MUC4: variants seen among roughly 807,000 people sequenced by gnomAD.
MUC4 encodes the protein mucin-4.
A neutral mutation model predicts 257.9 loss-of-function variants in MUC4; 202 were observed. The observed-to-expected ratio is 0.78, with a 90% confidence interval of 0.70 to 0.88. The LOEUF (loss-of-function observed/expected upper bound fraction) is 0.88. MUC4 is among the 40% of genes least tolerant of loss of function. The pLI is 0.00. For synonymous variants in MUC4, 2,351 were observed against 2,757.1 expected, an observed-to-expected ratio of 0.85 and a Z score of 4.62; for missense variants, 5,976 against 6,513.7, an observed-to-expected ratio of 0.92 and a Z score of 2.84.
In MUC4 at chr3:195,784,678, T is replaced by G. The variant is rs1422679290; in HGVS notation, c.6902A>C (p.His2301Pro). ...GTCGGTGACATGAAGAGGGGTGGCG[T>G]GACCTGTGGATGCTGAGGAAGGGCT... ...VTSPSSASTG[H>P]ATPLHVTDAS... Residue 2301 changes from histidine (H) to proline (P), a missense_variant, in exon 2 of 25, where the codon CAC (histidine) becomes CCC (proline). This residue lies in a region of MUC4 where 62 missense variants were observed against 74.0 expected (regional missense o/e 0.84). Transcript: ENST00000463781. The G allele has an allele frequency of 2.1e-6, 3 of 1,437,300 alleles. No homozygotes were observed. Among genetic ancestry groups the G allele is most frequent in the Non-Finnish European group, 1.8e-6 (2 of 1,084,534 alleles). 89.0% of individuals were successfully genotyped at this position (1,437,300 alleles called of 1,614,324 possible).
intron 19 of MUC4, 152 bp from the exon 20 acceptor site, chr3:195,753,382 G>A (rs1299750010): frequency 6.9e-6 from 5 of 721,380 alleles, no homozygotes; most frequent in Non-Finnish European, 1.1e-5. Flanking sequence ...CCCTTTTCCA[G>A]GCGTTTCTCT....
rs1178135179 is a variant in MUC4, at chr3:195,787,962, A to T, written c.3618T>A (p.Thr1206=). Residue 1206 remains threonine, a synonymous_variant, in exon 2 of 25, where the codon ACT becomes ACA. Coordinates refer to ENST00000463781, the MANE Select transcript of MUC4 (RefSeq NM_018406.7). ...TGGCGTGTCCTGTGGATGCTGAGGAAGTGTCGGTGACAAGAAGAGGGGTGG... is the reference window on the plus strand; with the variant it reads ...TGGCGTGTCCTGTGGATGCTGAGGATGTGTCGGTGACAAGAAGAGGGGTGG... ...GHATPLLVTD[T]SSASTGHATP... The T allele has an allele frequency of 3.3e-6, 4 of 1,224,346 alleles. No individual in the cohort carries two copies. The East Asian group carries it at 8.3e-5, about 26-fold the overall frequency. 75.8% of individuals were successfully genotyped at this position (1,224,346 alleles called of 1,614,324 possible). A position where few individuals can be genotyped will look rare whatever the true frequency, so the allele number is the denominator to read the frequency against.
rs750153870 is a variant in MUC4, at chr3:195,785,135, C to G, written c.6445G>C (p.Glu2149Gln). Residue 2149 changes from glutamate (E) to glutamine (Q), a missense_variant, in exon 2 of 25, where the codon GAA (glutamate) becomes CAA (glutamine). Glu to Gln is a conservative substitution (Grantham distance 29). Around this residue, in one of 44 missense-constraint regions of MUC4, gnomAD observed 85 missense variants for 325.0 expected, o/e 0.26. Coordinates refer to ENST00000463781, the MANE Select transcript of MUC4 (RefSeq NM_018406.7). ...TGDTTPLPVT[E>Q]TSSVSTGHAT... ...TGACCTGTGGATACTGAGGAAGTTT[C>G]GGTGACAGGAAGAGGGGTGGTGTCA... 4 of 1,475,928 alleles carry G rather than the reference C, an allele frequency of 2.7e-6. 1 individual carries two copies. The highest frequency in any genetic ancestry group is 1.7e-5 in the African/African-American group (1 of 60,266). 91.4% of individuals were successfully genotyped at this position (1,475,928 alleles called of 1,614,324 possible).
chr3:195,788,132 T>A lies in MUC4; in HGVS notation c.3448A>T (p.Thr1150Ser), dbSNP rs76196931. Reference protein sequence around the residue: ...TDTSSVSTGHTTPLHVTDASS... With the variant: ...TDTSSVSTGHSTPLHVTDASS... Reference sequence around the variant, plus strand: ...GCATCAGTGACATGAAGAGGGGTGGTGTGACCTGTGGATACTGAGGAAGTG... The same window carrying A: ...GCATCAGTGACATGAAGAGGGGTGGAGTGACCTGTGGATACTGAGGAAGTG... The change falls in exon 2 of 25, where the codon ACC becomes TCC. Residue 1150 changes from threonine (T) to serine (S), a missense_variant. Thr to Ser is a moderately conservative substitution (Grantham distance 58). Around this residue, in one of 44 missense-constraint regions of MUC4, gnomAD observed 90 missense variants for 106.2 expected, o/e 0.85. Transcript: ENST00000463781. 58 of 511,480 alleles carry A rather than the reference T, an allele frequency of 1.1e-4. 4 individuals carry two copies. The highest frequency in any genetic ancestry group is 3.3e-4 in the East Asian group (3 of 9,176). 31.7% of individuals were successfully genotyped at this position (511,480 alleles called of 1,614,324 possible).
rs369484841 is a variant in MUC4 at position 195,779,566 on chromosome 3, C to T, written c.12014G>A (p.Ser4005Asn). The change falls in exon 2 of 25, where the codon AGC becomes AAC. Residue 4005 changes from serine (S) to asparagine (N), a missense_variant. This residue lies in a region of MUC4 where 293 missense variants were observed against 294.5 expected (regional missense o/e 1.00). Coordinates refer to ENST00000463781, the MANE Select transcript of MUC4 (RefSeq NM_018406.7). ...GTGACCTGTAGATACTGAGGAAGTG[C>T]TGGTGACAGGAAGAGGGGTGGCGTG... Reference protein sequence around the residue: ...TGHATPLPVTSTSSVSTGHAT... With the variant: ...TGHATPLPVTNTSSVSTGHAT... 2.6e-4 allele frequency: 332 copies of T among 1,254,190 alleles called. 15 individuals carry two copies. In the African/African-American group the frequency reaches 5.5e-3, roughly 21 times the overall value. 77.7% of individuals were successfully genotyped at this position (1,254,190 alleles called of 1,614,324 possible).
intron 1 of MUC4, among the ~76,000 whole-genome samples, chr3:195,793,325 C>T (rs527389800): frequency 2.6e-5 from 4 of 151,088 alleles, no homozygotes; most frequent in African/African-American, 7.3e-5. Flanking sequence ...GGCAAAACCC[C>T]GTCTCTACTA....
chr3:195,782,917 G>A lies in MUC4; in HGVS notation c.8663C>T (p.Ser2888Leu), dbSNP rs1729013841. The change falls in exon 2 of 25, where the codon TCA (serine) becomes TTA (leucine). Residue 2888 changes from serine to leucine, a missense_variant. Around this residue, in one of 44 missense-constraint regions of MUC4, gnomAD observed 228 missense variants for 206.3 expected, o/e 1.11. Coordinates refer to ENST00000463781, the MANE Select transcript of MUC4 (RefSeq NM_018406.7). ...ATPLPVTDAS[S>L]VSTGHATPLP... ...AGGGGTAGCGTGACCTGTGGACACT[G>A]AGGAAGCGTCGGTGACAGGAAGAGG... 2.7e-6 allele frequency: 4 copies of A among 1,503,322 alleles called. No homozygotes were observed. The highest frequency in any genetic ancestry group is 3.6e-6 in the Non-Finnish European group (4 of 1,119,684). 93.1% of individuals were successfully genotyped at this position (1,503,322 alleles called of 1,614,324 possible). A position where few individuals can be genotyped will look rare whatever the true frequency, so the allele number is the denominator to read the frequency against.
rs369121952 is a variant in MUC4, at chr3:195,770,285, G to A, written c.13329C>T (p.Tyr4443=). The change falls in exon 6 of 25, where the codon TAC becomes TAT. Residue 4443 remains tyrosine, a synonymous_variant. Coordinates refer to ENST00000463781, the MANE Select transcript of MUC4 (RefSeq NM_018406.7). ...WIRKMTNNGG[Y]KARWALKVTW... ...TGACCTTTAGGGCCCACCTGGCCTT[G>A]TAGCCCCCGTTGTTTGTCATCTTTC... 10 of 1,613,960 alleles carry A rather than the reference G, an allele frequency of 6.2e-6. No individual in the cohort carries two copies. Among genetic ancestry groups the A allele is most frequent in the Non-Finnish European group, 8.5e-6 (10 of 1,180,002 alleles).
At chr3:195,770,943 C>CA (rs1722676760) in intron 5 of MUC4, 3 of 443,940 alleles carry the variant, frequency 6.8e-6, no homozygotes, top group African/African-American at 2.1e-5. Flanking sequence ...ACCTGTAGGT[C>CA]TTCTCGTGGC....
At position 195,753,112 on chromosome 3, in the gene MUC4, T is replaced by TG. The variant is rs777496809; in HGVS notation, c.15446dup (p.Ala5150SerfsTer4). 2.3e-5 allele frequency: 37 copies of TG among 1,612,604 alleles called. No individual in the cohort carries two copies. The highest frequency in any genetic ancestry group is 1.5e-4 in the Admixed American group (9 of 59,670). The stretch of plus-strand genomic sequence containing the variant: ...GGAAGCAGCGGCTGTCAGTGAAGGC[T>TG]GGGGGGCAGGTGCACATGGGCTGAC... On this transcript the variant is annotated frameshift_variant, in exon 20 of 25. Coordinates refer to ENST00000463781, the MANE Select transcript of MUC4 (RefSeq NM_018406.7). LOFTEE classifies it high-confidence loss of function.
chr3:195,805,212 G>C (rs1047892601), intron 1 of MUC4, among the ~76,000 whole-genome samples: 1 of 152,016 alleles, frequency 6.6e-6, no homozygotes, highest in Non-Finnish European at 1.5e-5. Context: ...TCTTTCCAAC[G>C]ATCCCCGCCG....
rs1312145823 is a variant in MUC4, at chr3:195,783,955, G to C, written c.7625C>G (p.Ala2542Gly). The C allele has an allele frequency of 1.6e-5, 25 of 1,523,060 alleles. No individual in the cohort carries two copies. The highest frequency in any genetic ancestry group is 2.5e-5 in the East Asian group (1 of 40,002). 94.3% of individuals were successfully genotyped at this position (1,523,060 alleles called of 1,614,324 possible). A position where few individuals can be genotyped will look rare whatever the true frequency, so the allele number is the denominator to read the frequency against. ...TNASSLSTRHATSLHVTSPSS... is the reference protein window; with the variant it reads ...TNASSLSTRHGTSLHVTSPSS... ...AGGGCTGGTGACATGAAGAGAGGTG[G>C]CGTGACGTGTGGATAATGAGGAAGC... Residue 2542 changes from alanine (A) to glycine (G), a missense_variant, in exon 2 of 25, where the codon GCC becomes GGC. Physicochemically the swap from Ala to Gly is moderately conservative, Grantham distance 60 (BLOSUM62 0). This residue lies in a region of MUC4 where 135 missense variants were observed against 114.7 expected (regional missense o/e 1.18). Coordinates refer to ENST00000463781, the MANE Select transcript of MUC4 (RefSeq NM_018406.7).
Position 195,746,971 on chromosome 3 carries a change from T to G in MUC4, c.*205A>C. ...GTCTGCGTGAGGACCCATCCATGCA[T>G]GTTTGATCTTTATGGCCTCCCCCTG... On this transcript the variant is annotated 3_prime_UTR_variant, in exon 25 of 25. Transcript: ENST00000463781. 4.1e-6 allele frequency: 3 copies of G among 725,002 alleles called. No homozygotes were observed. The highest frequency in any genetic ancestry group is 6.7e-6 in the Non-Finnish European group (3 of 445,240). 44.9% of individuals were successfully genotyped at this position (725,002 alleles called of 1,614,324 possible).
At position 195,788,527 on chromosome 3, in the gene MUC4, G is replaced by T. The variant is rs547775645; in HGVS notation, c.3053C>A (p.Ser1018Tyr). The change falls in exon 2 of 25, where the codon TCC becomes TAC. Residue 1018 changes from serine (S) to tyrosine (Y), a missense_variant. This residue lies in a region of MUC4 where 1,583 missense variants were observed against 1,257.4 expected (regional missense o/e 1.26). Coordinates refer to ENST00000463781, the MANE Select transcript of MUC4 (RefSeq NM_018406.7). ...PLPVTSPSSV[S>Y]TGHTTPLPVT... is the part of the protein sequence containing the mutation. Reference sequence around the variant, plus strand: ...AGGAAGAGGGGTGGTGTGACCTGTGGATACTGAGGAAGGGCTGGTGACAGG... The same window carrying T: ...AGGAAGAGGGGTGGTGTGACCTGTGTATACTGAGGAAGGGCTGGTGACAGG... 6.8e-7 allele frequency: 1 copy of T among 1,469,022 alleles called. No individual in the cohort carries two copies. The highest frequency in any genetic ancestry group is 9.1e-7 in the Non-Finnish European group (1 of 1,095,040). 91.0% of individuals were successfully genotyped at this position (1,469,022 alleles called of 1,614,324 possible).
rs1029250612 is a variant in MUC4, at chr3:195,751,035, C to T, written c.15725G>A (p.Gly5242Asp). Residue 5242 changes from glycine to aspartate, a missense_variant, in exon 23 of 25, where the codon GGC (glycine) becomes GAC (aspartate). This residue lies in a region of MUC4 where 310 missense variants were observed against 242.1 expected (regional missense o/e 1.28). Coordinates refer to ENST00000463781, the MANE Select transcript of MUC4 (RefSeq NM_018406.7). ...GTTGTTCAGGAAGTCAATGACCGGG[C>T]CCCGAGGGCGGTACTGGAACTCCGA... ...VISEFQYRPR[G>D]PVIDFLNNQL... is the part of the protein sequence containing the mutation. The T allele has an allele frequency of 1.2e-6, 2 of 1,613,892 alleles. No individual in the cohort carries two copies. The highest frequency in any genetic ancestry group is 1.7e-6 in the Non-Finnish European group (2 of 1,179,976).
At chr3:195,775,871 A>G (rs1314977837) in intron 3 of MUC4, among the ~76,000 whole-genome samples, 19 of 112,522 alleles carry the variant, frequency 1.7e-4, no homozygotes, top group African/African-American at 2.3e-4. Context: ...CATACCTTCC[A>G]CACCCATACC....
Position 195,786,143 on chromosome 3 carries a change from TGGTG to T in MUC4, c.5433_5436del (p.Thr1812AlafsTer1191). The T allele has an allele frequency of 2.0e-6, 3 of 1,524,802 alleles. No individual in the cohort carries two copies. In the Middle Eastern group the frequency reaches 6.3e-4, roughly 318 times the overall value. The allele number at this position is 1,524,802 out of a possible 1,614,324, so 94.5% of individuals were successfully genotyped here. On this transcript the variant is annotated frameshift_variant, in exon 2 of 25. Coordinates refer to ENST00000463781, the MANE Select transcript of MUC4 (RefSeq NM_018406.7). LOFTEE classifies it high-confidence loss of function. The stretch of plus-strand genomic sequence containing the variant: ...TCACCTGTGGATGCTGAGGAAGGGC[TGGTG>T]ACAGGAAGAGGGATGGCCTGACCTG...
At position 195,751,129 on chromosome 3, in the gene MUC4, C is replaced by T. The variant is rs760113186; in HGVS notation, c.15648-17G>A. 198 of 323,436 alleles carry T rather than the reference C, an allele frequency of 6.1e-4. No individual in the cohort carries two copies. Among genetic ancestry groups the T allele is most frequent in the East Asian group, 1.3e-3 (10 of 7,484 alleles). The allele number at this position is 323,436 out of a possible 1,614,324, so 20.0% of individuals were successfully genotyped here. ...GCAGAATCGCTGTGTGGGAGGGCAA[C>T]GGTGAGGGGGGGTGGGGGGCTGGGG... On this transcript the variant is annotated splice_polypyrimidine_tract_variant and intron_variant, in intron 22 of 24. Coordinates refer to ENST00000463781, the MANE Select transcript of MUC4 (RefSeq NM_018406.7).
intron 3 of MUC4, 104 bp downstream of exon 3, chr3:195,778,199 G>C: frequency 7.1e-7 from 1 of 1,405,858 alleles, no homozygotes; most frequent in East Asian, 2.5e-5. Context: ...CCTCGGTAAG[G>C]CCCTCCCCAC....
Sources: gnomAD v4.1 joint callset for allele counts (sites outside exome capture counted in the v4.1 genomes callset) on GRCh38, gnomAD v4.1.1 for gene constraint, gnomAD v4.1.1 regional missense constraint, MANE v1.5 for transcripts, NCBI Gene and HGNC (gene_info 2026-07-23, HGNC 2026-07-21) for gene names.